The following MFSD2B variants were observed in gnomAD, a reference collection of about 807,000 sequenced individuals.
MFSD2B encodes sphingosine-1-phosphate transporter MFSD2B.
Under a neutral mutation model 58.4 loss-of-function variants are expected in MFSD2B, and 56 were observed. The observed-to-expected ratio is 0.96, with a 90% CI of 0.77 to 1.20. MFSD2B has a LOEUF of 1.20. Among genes scored for constraint, MFSD2B ranks in the 50% most tolerant of loss-of-function variants. MFSD2B has a pLI of 0.00. For synonymous variants in MFSD2B, 287 were observed against 294.4 expected (o/e 0.97, Z 0.26); for missense variants, 645 against 667.6 (o/e 0.97, Z 0.37).
At position 24,012,168 on chromosome 2, in the gene MFSD2B, AC is replaced by A. The variant is rs1233690287; in HGVS notation, c.97-1116del. 0.01 allele frequency among the ~76,000 whole-genome samples: 735 copies of A among 71,330 alleles called. 7 individuals are homozygous for A. Among genetic ancestry groups the A allele is most frequent in the African/African-American group, 0.017 (412 of 24,192 alleles). The allele number at this position is 71,330 out of a possible 152,430, so 46.8% of individuals were successfully genotyped here. A position where few individuals can be genotyped will look rare whatever the true frequency, so the allele number is the denominator to read the frequency against. Reference sequence around the variant, plus strand: ...ACAAACAAAACACACACACACACACACACACACACACAAAAACAGACAAAAA... The same window carrying A: ...ACAAACAAAACACACACACACACACAACACACACACAAAAACAGACAAAAA... On this transcript the variant is annotated intron_variant, in intron 1 of 13. Coordinates refer to ENST00000338315, the MANE Select transcript of MFSD2B (RefSeq NM_001346880.2). This position sits in a 1 kb window ranked among gnomAD's most constrained non-coding sequence, Gnocchi z 4.5.
chr2:24,013,272 G>A lies in MFSD2B; in HGVS notation c.97-13G>A. The A allele has an allele frequency of 6.3e-7, 1 of 1,589,634 alleles. No individual in the cohort carries two copies. The highest frequency in any genetic ancestry group is 8.6e-7 in the Non-Finnish European group (1 of 1,162,526). On this transcript the variant is annotated splice_polypyrimidine_tract_variant and intron_variant, in intron 1 of 13. Transcript: ENST00000338315. ...CTGTTGGGAGAAGGGCTTAGTTCCTGTGTCTCCTCCAGGACAGCAGAGCCG... is the reference window on the plus strand; with the variant it reads ...CTGTTGGGAGAAGGGCTTAGTTCCTATGTCTCCTCCAGGACAGCAGAGCCG...
intron 1 of MFSD2B, among the ~76,000 whole-genome samples, chr2:24,011,700 C>T (rs1329588398): frequency 1.3e-5 from 2 of 152,204 alleles, no homozygotes; most frequent in Admixed American, 6.5e-5. Flanking sequence ...TAAGCACCTA[C>T]TGTATACCAA....
Position 24,017,454 on chromosome 2 carries a change from C to G in MFSD2B, c.551-4C>G. On this transcript the variant is annotated splice_region_variant and splice_polypyrimidine_tract_variant and intron_variant, in intron 5 of 13. Transcript: ENST00000338315. The surrounding 1 kb of genome is among the most constrained non-coding windows in gnomAD (Gnocchi z 4.8). ...AGTCACCTTAAGTGGCACTCTGTCT[C>G]CAGGGATGACTGTGGAGATGGCGGG... The G allele has an allele frequency of 6.2e-7, 1 of 1,601,754 alleles. No individual in the cohort carries two copies. Among genetic ancestry groups the G allele is most frequent in the Non-Finnish European group, 8.5e-7 (1 of 1,174,268 alleles).
Position 24,023,719 on chromosome 2 carries a change from A to G in MFSD2B, c.1306A>G (p.Ser436Gly). 6.2e-7 allele frequency: 1 copy of G among 1,613,838 alleles called. No homozygotes were observed. The highest frequency in any genetic ancestry group is 8.5e-7 in the Non-Finnish European group (1 of 1,179,786). The part of the protein sequence containing the change: ...GACALGISTL[S>G]LEFSGYKAGV... ...ATGTGCCCTGGGCATCTCCACCCTC[A>G]GTCTGGAGTGAGTCCCAGGGTTAGG... The change falls in exon 12 of 14, where the codon AGT becomes GGT. Residue 436 changes from serine to glycine, a missense_variant. Transcript: ENST00000338315. The surrounding 1 kb of genome is among the most constrained non-coding windows in gnomAD (Gnocchi z 5.0).
At chr2:24,010,232 CG>C in intron 1 of MFSD2B, 40 bp downstream of exon 1, 1 of 1,325,648 alleles carries the variant, frequency 7.5e-7, no homozygotes, top group African/African-American at 1.5e-5. Flanking sequence ...GCTGCGTCCT[CG>C]GGGAGCTCCA....
chr2:24,016,253 G>T lies in MFSD2B; in HGVS notation c.320G>T (p.Arg107Met). Reference sequence around the variant, plus strand: ...GGGTTCTTCATCAACAGGAGCCAGAGGACAGGGTCTGGACGGCTCATGCCT... The same window carrying T: ...GGGTTCTTCATCAACAGGAGCCAGATGACAGGGTCTGGACGGCTCATGCCT... ...VAGFFINRSQ[R>M]TGSGRLMPWV... is the part of the protein sequence containing the mutation. Residue 107 changes from arginine to methionine, a missense_variant, in exon 3 of 14, where the codon AGG becomes ATG. By Grantham distance (91) the Arg-to-Met change is moderately conservative. Coordinates refer to ENST00000338315, the MANE Select transcript of MFSD2B (RefSeq NM_001346880.2). 6.2e-7 allele frequency: 1 copy of T among 1,614,024 alleles called. No individual in the cohort carries two copies. The highest frequency in any genetic ancestry group is 8.5e-7 in the Non-Finnish European group (1 of 1,179,894).
chr2:24,018,198 C>T (rs1172137757), intron 6 of MFSD2B: 5 of 160,766 alleles, frequency 3.1e-5, no homozygotes, highest in African/African-American at 1.2e-4. Context: ...CCTCTCTCAA[C>T]TCTCCAACCT....
chr2:24,023,257 G>A lies in MFSD2B; in HGVS notation c.1169+18G>A. 1 of 1,588,242 alleles carries A rather than the reference G, an allele frequency of 6.3e-7. No homozygotes were observed. ...CTACCCTGGTAGGCTGGGTGTGGGG[G>A]CCTCACGTGTGTCCACAGTGGGTGT... On this transcript the variant is annotated intron_variant, in intron 11 of 13. Coordinates refer to ENST00000338315, the MANE Select transcript of MFSD2B (RefSeq NM_001346880.2). The surrounding 1 kb of genome is among the most constrained non-coding windows in gnomAD (Gnocchi z 5.0).
At chr2:24,015,737 C>T (rs779118451) in intron 2 of MFSD2B, among the ~76,000 whole-genome samples, 2 of 152,130 alleles carry the variant, frequency 1.3e-5, no homozygotes, top group African/African-American at 4.8e-5. Context: ...ACAGTGTCCA[C>T]CTCTGTCAGC....
At position 24,013,429 on chromosome 2, in the gene MFSD2B, C is replaced by G; in HGVS notation, c.222+19C>G. Reference sequence around the variant, plus strand: ...AGCACAGGTAAGTGTGGGCAGTAGCCCAGTCTCTGCTGGCATCTTCCTTGG... The same window carrying G: ...AGCACAGGTAAGTGTGGGCAGTAGCGCAGTCTCTGCTGGCATCTTCCTTGG... On this transcript the variant is annotated intron_variant, in intron 2 of 13. Transcript: ENST00000338315. 6.3e-7 allele frequency: 1 copy of G among 1,584,072 alleles called. No individual in the cohort carries two copies. The highest frequency in any genetic ancestry group is 1.1e-5 in the South Asian group (1 of 88,010).
Position 24,022,713 on chromosome 2 carries a change from C to T in MFSD2B, c.979-109C>T. The T allele has an allele frequency of 3.2e-6, 3 of 932,588 alleles. No individual in the cohort carries two copies. The highest frequency in any genetic ancestry group is 4.8e-6 in the Non-Finnish European group (3 of 630,102). The allele number at this position is 932,588 out of a possible 1,614,324, so 57.8% of individuals were successfully genotyped here. On this transcript the variant is annotated intron_variant, in intron 9 of 13. Coordinates refer to ENST00000338315, the MANE Select transcript of MFSD2B (RefSeq NM_001346880.2). This position sits in a 1 kb window ranked among gnomAD's most constrained non-coding sequence, Gnocchi z 4.5. ...CAACATTCATAGCCACCGGTTTGAA[C>T]CAGGGGCAAGGCCAAGGTCAGGCAT... is the stretch of plus-strand genomic sequence containing the variant.
At position 24,017,218 on chromosome 2, in the gene MFSD2B, G is replaced by C. The variant is rs995161101; in HGVS notation, c.472-68G>C. On this transcript the variant is annotated intron_variant, in intron 4 of 13. Transcript: ENST00000338315. The surrounding 1 kb of genome is among the most constrained non-coding windows in gnomAD (Gnocchi z 4.8). ...GTGGGTGTCGGGATGTGACACCCAG[G>C]ATGGGGGAGGTCGCCCGCTGTCACC... The C allele has an allele frequency of 9.4e-6, 14 of 1,486,324 alleles. No homozygotes were observed. The Admixed American group carries it at 2.8e-4, about 30-fold the overall frequency. 92.1% of individuals were successfully genotyped at this position (1,486,324 alleles called of 1,614,324 possible). A position where few individuals can be genotyped will look rare whatever the true frequency, so the allele number is the denominator to read the frequency against.
At position 24,017,635 on chromosome 2, in the gene MFSD2B, C is replaced by T; in HGVS notation, c.681+47C>T. On this transcript the variant is annotated intron_variant, in intron 6 of 13. Transcript: ENST00000338315. This position sits in a 1 kb window ranked among gnomAD's most constrained non-coding sequence, Gnocchi z 4.8. ...GCCCCCCAACCTGGGGTCCCCTCTG[C>T]AGGGTCACCTCCTTCCTCTAGGGCT... 1 of 1,510,752 alleles carries T rather than the reference C, an allele frequency of 6.6e-7. No homozygotes were observed. Among genetic ancestry groups the T allele is most frequent in the Non-Finnish European group, 8.9e-7 (1 of 1,124,858 alleles). The allele number at this position is 1,510,752 out of a possible 1,614,324, so 93.6% of individuals were successfully genotyped here. A position where few individuals can be genotyped will look rare whatever the true frequency, so the allele number is the denominator to read the frequency against.
Position 24,022,652 on chromosome 2 carries a change from G to A in MFSD2B, c.978+136G>A. On this transcript the variant is annotated intron_variant, in intron 9 of 13. Coordinates refer to ENST00000338315, the MANE Select transcript of MFSD2B (RefSeq NM_001346880.2). This position sits in a 1 kb window ranked among gnomAD's most constrained non-coding sequence, Gnocchi z 4.5. ...GACTTTGCTTTGGTCTTGGTCACCT[G>A]CATTCCAGCAGAGGGTAGAATTGGG... 2.3e-6 allele frequency: 2 copies of A among 869,460 alleles called. No homozygotes were observed. Among genetic ancestry groups the A allele is most frequent in the Non-Finnish European group, 1.8e-6 (1 of 565,848 alleles). The allele number at this position is 869,460 out of a possible 1,614,324, so 53.9% of individuals were successfully genotyped here.
Position 24,020,881 on chromosome 2 carries a change from AATTTTTTATTTTT to A in MFSD2B, c.682-753_682-741del, listed in dbSNP as rs1662755603. ...CGTGCCTGTCCCTGCTTCCTATATT[AATTTTTTATTTTT>A]ATTTTTTATTTTTCCTTTTGAGATG... is the stretch of plus-strand genomic sequence containing the variant. On this transcript the variant is annotated intron_variant, in intron 6 of 13. Coordinates refer to ENST00000338315, the MANE Select transcript of MFSD2B (RefSeq NM_001346880.2). This position sits in a 1 kb window ranked among gnomAD's most constrained non-coding sequence, Gnocchi z 4.1. Among the ~76,000 whole-genome samples, 1 of 150,762 alleles carries A rather than the reference AATTTTTTATTTTT, an allele frequency of 6.6e-6. No individual in the cohort carries two copies. Among genetic ancestry groups the A allele is most frequent in the Non-Finnish European group, 1.5e-5 (1 of 67,720 alleles).
intron 1 of MFSD2B, 140 bp from the exon 2 acceptor site, chr2:24,013,144 TG>T: frequency 9.4e-6 from 7 of 741,890 alleles, no homozygotes; most frequent in African/African-American, 1.7e-5. Context: ...TAGGATGACA[TG>T]GGGGCAAAAT....
At chr2:24,025,411 G>C in intron 13 of MFSD2B, 21 bp from the exon 14 acceptor site, 1 of 1,535,904 alleles carries the variant, frequency 6.5e-7, no homozygotes, top group Non-Finnish European at 8.7e-7. Flanking sequence ...CCTTCTCCTT[G>C]GCTTCCTTCC....
At position 24,025,582 on chromosome 2, in the gene MFSD2B, G is replaced by A. The variant is rs2150943854; in HGVS notation, c.*126G>A. ...GTGACCTTTCTCCCTGGGATGTGGA[G>A]TCTTCGGCAACGTGTCCTGAAGGGA... is the stretch of plus-strand genomic sequence containing the variant. On this transcript the variant is annotated 3_prime_UTR_variant, in exon 14 of 14. Transcript: ENST00000338315. 2 of 877,130 alleles carry A rather than the reference G, an allele frequency of 2.3e-6. No homozygotes were observed. Among genetic ancestry groups the A allele is most frequent in the Non-Finnish European group, 3.6e-6 (2 of 553,400 alleles). 54.3% of individuals were successfully genotyped at this position (877,130 alleles called of 1,614,324 possible).
Position 24,022,898 on chromosome 2 carries a change from T to A in MFSD2B, c.1055T>A (p.Ile352Asn). The A allele has an allele frequency of 6.2e-7, 1 of 1,609,546 alleles. No homozygotes were observed. Among genetic ancestry groups the A allele is most frequent in the Non-Finnish European group, 8.5e-7 (1 of 1,178,242 alleles). Residue 352 changes from isoleucine (I) to asparagine (N), a missense_variant, in exon 10 of 14, where the codon ATC (isoleucine) becomes AAC (asparagine). By Grantham distance (149) the Ile-to-Asn change is moderately radical. Transcript: ENST00000338315. This position sits in a 1 kb window ranked among gnomAD's most constrained non-coding sequence, Gnocchi z 4.5. ...RFGKKTSAFG[I>N]FAMVPFAILL... ...GGGAAGAAGACGTCAGCCTTTGGGATCTTTGTGAGTGAGGCGGGAATCAAG... is the reference window on the plus strand; with the variant it reads ...GGGAAGAAGACGTCAGCCTTTGGGAACTTTGTGAGTGAGGCGGGAATCAAG...
Sources: allele counts gnomAD v4.1 joint callset (sites outside exome capture counted in the v4.1 genomes callset), GRCh38; gene constraint gnomAD v4.1.1; non-coding constraint Gnocchi (gnomAD v3.1); transcripts MANE v1.5; gene names NCBI Gene and HGNC (gene_info 2026-07-23, HGNC 2026-07-21).